The following IGSF21 variants were observed in gnomAD, a reference collection of about 807,000 sequenced individuals.
The protein encoded by IGSF21 is immunoglobulin superfamily member 21.
Under a neutral mutation model 46.8 loss-of-function variants are expected in IGSF21, and 28 were observed. The observed-to-expected ratio is 0.60, with a 90% CI of 0.44 to 0.82. IGSF21 has a LOEUF of 0.82. Ranked by LOEUF, IGSF21 falls within the 40% of genes least tolerant of loss-of-function variation. The probability of loss-of-function intolerance (pLI) is 0.00; values close to 1 mark genes in which losing one functional copy is unlikely to be tolerated. For missense variants in IGSF21, 624 were observed against 665.5 expected (o/e 0.94, Z 0.69); for synonymous variants, 284 against 273.6 (o/e 1.04, Z -0.38).
intron 3 of IGSF21, among the ~76,000 whole-genome samples, chr1:18,302,439 T>C (rs1462011581): frequency 3.3e-5 from 5 of 152,212 alleles, no homozygotes; most frequent in African/African-American, 1.2e-4. Flanking sequence ...ACCATCTCCC[T>C]AACTCTCTCC....
Position 18,377,436 on chromosome 1 carries a change from GTC to G in IGSF21, c.1333+9_1333+10del. 1 of 1,612,594 alleles carries G rather than the reference GTC, an allele frequency of 6.2e-7. No homozygotes were observed. The highest frequency in any genetic ancestry group is 1.1e-5 in the South Asian group (1 of 91,050). On this transcript the variant is annotated splice_donor_region_variant and intron_variant, in intron 9 of 9. Transcript: ENST00000251296. ...GAGGAACGGAGGACTCTAATGGTAA[GTC>G]TCTACCCTCAGGATTTTTTGCTTAA...
chr1:18,249,301 G>A (rs2084814050), intron 2 of IGSF21, among the ~76,000 whole-genome samples: 1 of 152,156 alleles, frequency 6.6e-6, no homozygotes, highest in Non-Finnish European at 1.5e-5. Context: ...CAGGTTGAGG[G>A]CAGCTGCAGC....
chr1:18,286,736 G>C (rs973804625), intron 2 of IGSF21, among the ~76,000 whole-genome samples: 1 of 152,180 alleles, frequency 6.6e-6, no homozygotes, highest in African/African-American at 2.4e-5. Context: ...AGCAGCAAGG[G>C]CCTTTTCCCT....
intron 1 of IGSF21, among the ~76,000 whole-genome samples, chr1:18,149,097 C>G (rs1408174716): frequency 6.6e-6 from 1 of 152,218 alleles, no homozygotes; most frequent in Non-Finnish European, 1.5e-5. Context: ...CTCCGTAGTA[C>G]TCCTGCGGCC....
intron 3 of IGSF21, among the ~76,000 whole-genome samples, chr1:18,327,023 C>A (rs556258618): frequency 7.2e-5 from 11 of 152,000 alleles, no homozygotes; most frequent in Admixed American, 3.3e-4. Context: ...CTAATCTGGG[C>A]GAAGATTAAA....
intron 3 of IGSF21, among the ~76,000 whole-genome samples, chr1:18,296,344 G>A (rs566902513): frequency 6.6e-5 from 10 of 152,290 alleles, no homozygotes; most frequent in Admixed American, 3.9e-4. Context: ...GTTTGTATAC[G>A]TTTTAGGTGA....
At chr1:18,148,914 A>G (rs2086495215) in intron 1 of IGSF21, among the ~76,000 whole-genome samples, 1 of 152,230 alleles carries the variant, frequency 6.6e-6, no homozygotes, top group Non-Finnish European at 1.5e-5. Flanking sequence ...CCCTGCACAC[A>G]CAAGTTAGTG....
chr1:18,108,122 G>A lies in IGSF21; in HGVS notation c.-7G>A. 2.2e-6 allele frequency: 3 copies of A among 1,361,586 alleles called. No individual in the cohort carries two copies. The highest frequency in any genetic ancestry group is 1.9e-6 in the Non-Finnish European group (2 of 1,036,062). 84.3% of individuals were successfully genotyped at this position (1,361,586 alleles called of 1,614,324 possible). ...CGCCCCGCCACCGCCGCCAGCTCCCGGGCACCATGCGAACCGCCCCGAGCC... is the reference window on the plus strand; with the variant it reads ...CGCCCCGCCACCGCCGCCAGCTCCCAGGCACCATGCGAACCGCCCCGAGCC... On this transcript the variant is annotated 5_prime_UTR_variant, in exon 1 of 10. Coordinates refer to ENST00000251296, the MANE Select transcript of IGSF21 (RefSeq NM_032880.5).
At chr1:18,261,071 C>A (rs2124536528) in intron 2 of IGSF21, among the ~76,000 whole-genome samples, 1 of 152,308 alleles carries the variant, frequency 6.6e-6, no homozygotes, top group Non-Finnish European at 1.5e-5. Flanking sequence ...CAAATGGAGC[C>A]TAGGACTGCT....
At chr1:18,185,209 C>T (rs2086892063) in intron 1 of IGSF21, among the ~76,000 whole-genome samples, 1 of 152,102 alleles carries the variant, frequency 6.6e-6, no homozygotes, top group Admixed American at 6.6e-5. Flanking sequence ...GCAAGGGATC[C>T]CCGCATAGTG....
chr1:18,114,426 G>A (rs1037516848), intron 1 of IGSF21: 1 of 152,150 alleles, frequency 6.6e-6, no homozygotes, highest in African/African-American at 2.4e-5. Flanking sequence ...TGTGCAACCT[G>A]GTTTTGAAAA....
intron 1 of IGSF21, among the ~76,000 whole-genome samples, chr1:18,145,864 G>A (rs576287907): frequency 5.3e-5 from 8 of 152,302 alleles, no homozygotes; most frequent in African/African-American, 1.9e-4. Flanking sequence ...GAACCAGGAG[G>A]AACTTTGGTT....
chr1:18,178,166 C>T (rs1461273418), intron 1 of IGSF21, among the ~76,000 whole-genome samples: 1 of 152,128 alleles, frequency 6.6e-6, no homozygotes, highest in Non-Finnish European at 1.5e-5. Context: ...GTGACAACAG[C>T]GTCATTCCCT....
Position 18,322,445 on chromosome 1 carries a change from A to G in IGSF21, c.306-12447A>G, listed in dbSNP as rs1015827747. On this transcript the variant is annotated intron_variant, in intron 3 of 9. Transcript: ENST00000251296. The surrounding 1 kb of genome is among the most constrained non-coding windows in gnomAD (Gnocchi z 4.3). Reference sequence around the variant, plus strand: ...AGCTCTCACCCACCACCAAGTAGAGAGGCAGAGGCAGAGATTCCTGTTAAA... The same window carrying G: ...AGCTCTCACCCACCACCAAGTAGAGGGGCAGAGGCAGAGATTCCTGTTAAA... Among the ~76,000 whole-genome samples, 7 of 151,956 alleles carry G rather than the reference A, an allele frequency of 4.6e-5. No homozygotes were observed. Among genetic ancestry groups the G allele is most frequent in the Non-Finnish European group, 7.4e-5 (5 of 68,016 alleles).
chr1:18,192,103 C>T (rs2086963331), intron 1 of IGSF21, among the ~76,000 whole-genome samples: 1 of 152,220 alleles, frequency 6.6e-6, no homozygotes, highest in Non-Finnish European at 1.5e-5. Flanking sequence ...GCTTTGGAGC[C>T]ACGCAAGCCT....
chr1:18,246,628 G>A (rs1000387917), intron 2 of IGSF21, among the ~76,000 whole-genome samples: 2 of 152,122 alleles, frequency 1.3e-5, no homozygotes, highest in Non-Finnish European at 2.9e-5. Context: ...GAGCTAGCTC[G>A]GTATGTGCTG....
intron 1 of IGSF21, among the ~76,000 whole-genome samples, chr1:18,215,478 G>A (rs895076807): frequency 4.6e-5 from 7 of 152,330 alleles, no homozygotes; most frequent in African/African-American, 1.4e-4. Flanking sequence ...GGAATGCTGG[G>A]CATGGGGTAG....
intron 2 of IGSF21, among the ~76,000 whole-genome samples, chr1:18,240,331 T>C (rs1451625365): frequency 1.3e-5 from 2 of 152,218 alleles, no homozygotes; most frequent in Non-Finnish European, 2.9e-5. Context: ...AAGGTAGCCC[T>C]GTCTTTTGTG....
chr1:18,222,454 G>A (rs2084519656), intron 1 of IGSF21, among the ~76,000 whole-genome samples: 1 of 152,188 alleles, frequency 6.6e-6, no homozygotes, highest in Non-Finnish European at 1.5e-5. Context: ...CAAGGGAAGG[G>A]GGTTGGCGGG....
Sources: allele counts gnomAD v4.1 joint callset (sites outside exome capture counted in the v4.1 genomes callset), GRCh38; gene constraint gnomAD v4.1.1; non-coding constraint Gnocchi (gnomAD v3.1); transcripts MANE v1.5; gene names NCBI Gene and HGNC (gene_info 2026-07-23, HGNC 2026-07-21).